KIF14: variants seen among roughly 807,000 people sequenced by gnomAD.
KIF14 encodes the protein kinesin-like protein KIF14.
KIF14 carries 98 observed loss-of-function variants against 176.2 expected under a neutral mutation model. That is an observed-to-expected ratio of 0.56 (90% CI 0.47 to 0.66). The LOEUF (loss-of-function observed/expected upper bound fraction) is 0.66. Among genes scored for constraint, KIF14 ranks in the 30% least tolerant of loss-of-function variants. The pLI, the probability that KIF14 is intolerant of heterozygous loss-of-function variation, is 0.00. For missense variants in KIF14, 1,751 were observed against 1,920.4 expected (o/e 0.91, Z 1.65); for synonymous variants, 566 against 632.2 (o/e 0.90, Z 1.57).
In KIF14 at chr1:200,618,845, GAAA is replaced by G. The variant is rs201792546; in HGVS notation, c.-115-10_-115-8del. The G allele has an allele frequency of 1.6e-6, 1 of 629,420 alleles. No individual in the cohort carries two copies. The highest frequency in any genetic ancestry group is 2.5e-6 in the Non-Finnish European group (1 of 402,040). 39.0% of individuals were successfully genotyped at this position (629,420 alleles called of 1,614,324 possible). On this transcript the variant is annotated splice_polypyrimidine_tract_variant and splice_region_variant and intron_variant, in intron 1 of 29. Coordinates refer to ENST00000367350, the MANE Select transcript of KIF14 (RefSeq NM_014875.3). ...TCTGAAAGTATCTGCTAAACTAAAA[GAAA>G]AAAAAAAGATTTAGATCACACAGAC...
chr1:200,576,261 G>A (rs1289044402), intron 21 of KIF14, among the ~76,000 whole-genome samples: 8 of 151,908 alleles, frequency 5.3e-5, no homozygotes, highest in Non-Finnish European at 8.8e-5. Context: ...GGCGGATCAC[G>A]AGGTCAGGAG....
chr1:200,596,586 T>A (rs1388603192), intron 14 of KIF14, among the ~76,000 whole-genome samples: 2 of 130,540 alleles, frequency 1.5e-5, no homozygotes, highest in Non-Finnish European at 3.2e-5. Context: ...TTTTTTTGAG[T>A]TAGAGTCTCA....
intron 14 of KIF14, among the ~76,000 whole-genome samples, chr1:200,594,559 C>T (rs1480217462): frequency 6.6e-6 from 1 of 151,920 alleles, no homozygotes; most frequent in African/African-American, 2.4e-5. Context: ...GAAGGAAAAA[C>T]ATGGAGATCA....
In KIF14 at chr1:200,600,106, T is replaced by C. The variant is rs142001579; in HGVS notation, c.2308A>G (p.Lys770Glu). ...RDMAEMQRVW[K>E]EKFEQAEKRK... ...TTTTCAGCTTGTTCAAACTTTTCTTTCCACACTCTTTCCAAAGACAAAGAA... is the reference window on the plus strand; with the variant it reads ...TTTTCAGCTTGTTCAAACTTTTCTTCCCACACTCTTTCCAAAGACAAAGAA... Residue 770 changes from lysine (K) to glutamate (E), a missense_variant, in exon 13 of 30, where the codon AAA becomes GAA. Physicochemically the swap from Lys to Glu is moderately conservative, Grantham distance 56. Transcript: ENST00000367350. 4.0e-4 allele frequency: 636 copies of C among 1,597,980 alleles called. 1 individual carries two copies. The highest frequency in any genetic ancestry group is 5.0e-4 in the Non-Finnish European group (588 of 1,167,978).
chr1:200,584,035 A>G (rs1344496793), intron 19 of KIF14, among the ~76,000 whole-genome samples: 1 of 151,914 alleles, frequency 6.6e-6, no homozygotes, highest in African/African-American at 2.4e-5. Context: ...CGAGGTCAGG[A>G]GGTAGAGACC....
At chr1:200,602,114 T>A in intron 10 of KIF14, 46 bp from the exon 11 acceptor site, 3 of 1,509,912 alleles carry the variant, frequency 2.0e-6, no homozygotes, top group Non-Finnish European at 2.7e-6. Flanking sequence ...AACAACTTAA[T>A]AACAGTAATT....
intron 14 of KIF14, among the ~76,000 whole-genome samples, chr1:200,595,956 T>C (rs1484222359): frequency 8.3e-6 from 1 of 120,700 alleles, no homozygotes; most frequent in South Asian, 2.6e-4. Context: ...AAAAAAAAGA[T>C]ATAAAGATTC....
At position 200,603,859 on chromosome 1, in the gene KIF14, T is replaced by G. The variant is rs1243478433; in HGVS notation, c.1843A>C (p.Thr615Pro). The change falls in exon 9 of 30, where the codon ACT (threonine) becomes CCT (proline). Residue 615 changes from threonine (T) to proline (P), a missense_variant. Transcript: ENST00000367350. ...TTTACCTTTAGTCGATCTCCATTAG[T>G]GTGAGCCGTAGAGCAGCGCTCACTG... ...AGSERCSTAH[T>P]NGDRLKEGVS... 4 of 1,604,818 alleles carry G rather than the reference T, an allele frequency of 2.5e-6. No individual in the cohort carries two copies. The highest frequency in any genetic ancestry group is 2.2e-5 in the East Asian group (1 of 44,834).
At chr1:200,608,124 C>T (rs1015057097) in intron 5 of KIF14, among the ~76,000 whole-genome samples, 1 of 152,134 alleles carries the variant, frequency 6.6e-6, no homozygotes, top group Non-Finnish European at 1.5e-5. Flanking sequence ...AGATTATCTA[C>T]AAGGTATGAA....
intron 9 of KIF14, 88 bp downstream of exon 9, chr1:200,603,751 G>A: frequency 1.3e-6 from 1 of 762,432 alleles, no homozygotes. Flanking sequence ...TATATTTGGG[G>A]AGGTTAAGTG....
At chr1:200,617,056 C>A (rs978946829) in intron 2 of KIF14, among the ~76,000 whole-genome samples, 3 of 152,178 alleles carry the variant, frequency 2.0e-5, no homozygotes, top group Non-Finnish European at 2.9e-5. Flanking sequence ...CAGCCTCTGC[C>A]TCCCGGGTTC....
intron 3 of KIF14, 42 bp from the exon 4 acceptor site, chr1:200,614,447 C>A (rs1419283293): frequency 8.1e-7 from 1 of 1,238,900 alleles, no homozygotes; most frequent in Admixed American, 1.9e-5. Context: ...AAAACTAATT[C>A]TTTCTTTAAA....
chr1:200,561,229 TA>T (rs10643609), intron 25 of KIF14, among the ~76,000 whole-genome samples: 78 of 128,048 alleles, frequency 6.1e-4, no homozygotes, highest in Admixed American at 1.6e-3. Flanking sequence ...GACTCCATCT[TA>T]AAAAAAAAAA....
intron 1 of KIF14, among the ~76,000 whole-genome samples, chr1:200,619,168 TAGA>T (rs887230551): frequency 6.6e-6 from 1 of 152,222 alleles, no homozygotes; most frequent in Non-Finnish European, 1.5e-5. Context: ...TCAAGTGACT[TAGA>T]AGATGTAAAA....
chr1:200,617,099 C>T (rs914559687), intron 2 of KIF14, among the ~76,000 whole-genome samples: 21 of 152,166 alleles, frequency 1.4e-4, no homozygotes, highest in African/African-American at 5.1e-4. Context: ...TCCCGAGTAG[C>T]TGGGATTACA....
intron 4 of KIF14, among the ~76,000 whole-genome samples, chr1:200,610,605 C>T (rs1660108921): frequency 6.6e-6 from 1 of 151,880 alleles, no homozygotes; most frequent in Admixed American, 6.6e-5. Flanking sequence ...ATCCAATAAG[C>T]ATTTCTTAAG....
chr1:200,554,468 CT>C lies in KIF14; in HGVS notation c.4566del (p.Gly1523AspfsTer6). 1 of 1,510,392 alleles carries C rather than the reference CT, an allele frequency of 6.6e-7. No individual in the cohort carries two copies. Among genetic ancestry groups the C allele is most frequent in the Non-Finnish European group, 9.1e-7 (1 of 1,098,342 alleles). The allele number at this position is 1,510,392 out of a possible 1,614,324, so 93.6% of individuals were successfully genotyped here. ...KAIEIIISAL[K>X]GCHSDINLLQ... ...ATAAACTCCATTTGGAGAATCATACCTTTCAGTGCAGAAATAATAATTTCAA... is the reference window on the plus strand; with the variant it reads ...ATAAACTCCATTTGGAGAATCATACCTTCAGTGCAGAAATAATAATTTCAA... On this transcript the variant is annotated frameshift_variant and splice_region_variant, in exon 29 of 30. Coordinates refer to ENST00000367350, the MANE Select transcript of KIF14 (RefSeq NM_014875.3). LOFTEE classifies it low-confidence loss of function (END_TRUNC).
intron 23 of KIF14, 72 bp from the exon 24 acceptor site, chr1:200,565,741 CCTTA>C (rs1657413884): frequency 3.1e-6 from 3 of 981,674 alleles, no homozygotes; most frequent in Non-Finnish European, 4.5e-6. Flanking sequence ...AAAAAGGGAT[CCTTA>C]CTTTATGTAC....
intron 23 of KIF14, among the ~76,000 whole-genome samples, chr1:200,569,143 T>G (rs1443064562): frequency 1.3e-5 from 2 of 152,052 alleles, no homozygotes; most frequent in Non-Finnish European, 2.9e-5. Context: ...CAGGCTGGTC[T>G]TGAACTCCCG....
Sources: gnomAD v4.1 joint callset for allele counts (sites outside exome capture counted in the v4.1 genomes callset) on GRCh38, gnomAD v4.1.1 for gene constraint, MANE v1.5 for transcripts, NCBI Gene and HGNC (gene_info 2026-07-23, HGNC 2026-07-21) for gene names.